FOXK2: variants seen among roughly 807,000 people sequenced by gnomAD.
FOXK2 encodes the protein forkhead box protein K2.
Under a neutral mutation model 53.3 loss-of-function variants are expected in FOXK2, and 24 were observed. The observed-to-expected ratio is 0.45, with a 90% CI of 0.33 to 0.63. The LOEUF (loss-of-function observed/expected upper bound fraction) is 0.63. Among genes scored for constraint, FOXK2 ranks in the 30% least tolerant of loss-of-function variants. FOXK2 has a pLI of 0.03. For synonymous variants in FOXK2, 505 were observed against 407.1 expected (o/e 1.24, Z -2.89); for missense variants, 952 against 910.5 (o/e 1.05, Z -0.59).
Position 82,601,524 on chromosome 17 carries a change from G to A in FOXK2, c.*25G>A, listed in dbSNP as rs369200935. 1,812 of 1,581,586 alleles carry A rather than the reference G, an allele frequency of 1.1e-3. 5 individuals are homozygous for A. Among genetic ancestry groups the A allele is most frequent in the Admixed American group, 1.2e-3 (71 of 58,560 alleles). ...GCGACCGGGAGAGCTTTTCTTTAAC[G>A]ATATCAACTCTGTGGTGCCAAAAGG... On this transcript the variant is annotated 3_prime_UTR_variant, in exon 9 of 9. Transcript: ENST00000335255.
intron 1 of FOXK2, among the ~76,000 whole-genome samples, chr17:82,543,799 C>T (rs1173455906): frequency 3.3e-5 from 4 of 122,910 alleles, no homozygotes; most frequent in South Asian, 2.7e-4. Context: ...TTTTTTGAGA[C>T]GGAGTCTTCT....
At chr17:82,595,743 C>T (rs1389155678) in intron 8 of FOXK2, 27 of 1,285,314 alleles carry the variant, frequency 2.1e-5, no homozygotes, top group Non-Finnish European at 2.7e-5. Context: ...GTGCACCTGG[C>T]TCCTGTGACT....
chr17:82,547,786 C>T (rs569117690), intron 1 of FOXK2, among the ~76,000 whole-genome samples: 2 of 152,350 alleles, frequency 1.3e-5, no homozygotes, highest in African/African-American at 2.4e-5. Context: ...CAGTCAGCCT[C>T]ATCCCCCTGG....
intron 1 of FOXK2, among the ~76,000 whole-genome samples, chr17:82,554,366 T>G (rs1190586422): frequency 6.6e-6 from 1 of 152,190 alleles, no homozygotes; most frequent in Non-Finnish European, 1.5e-5. Flanking sequence ...AGCTTCTTCG[T>G]GAGTCTGTTA....
intron 1 of FOXK2, among the ~76,000 whole-genome samples, chr17:82,544,996 C>A (rs2044610923): frequency 6.6e-6 from 1 of 152,112 alleles, no homozygotes; most frequent in South Asian, 2.1e-4. Context: ...TGTCGATCTG[C>A]CCCGTCTGTC....
rs928964189 is a variant in FOXK2 at position 82,549,270 on chromosome 17, G to C, written c.420-14084G>C. On this transcript the variant is annotated intron_variant, in intron 1 of 8. Transcript: ENST00000335255. ...CACCAAGTTGCCACACCGAACTGCA[G>C]ACCTGGCAGCCCTGTCCAGCAACTT... Among the ~76,000 whole-genome samples the C allele has an allele frequency of 3.9e-5, 6 of 152,208 alleles. No individual in the cohort carries two copies. The South Asian group carries it at 6.2e-4, about 16-fold the overall frequency.
chr17:82,533,922 C>T (rs1007965166), intron 1 of FOXK2, among the ~76,000 whole-genome samples: 5 of 151,644 alleles, frequency 3.3e-5, no homozygotes, highest in Non-Finnish European at 5.9e-5. Context: ...TCACTTGGGC[C>T]CAAGAGGTGG....
At chr17:82,599,470 G>A (rs1430915486) in intron 8 of FOXK2, 1 of 152,334 alleles carries the variant, frequency 6.6e-6, no homozygotes, top group Non-Finnish European at 1.5e-5. Context: ...GTGGAAAGGA[G>A]AAGGGAACAC....
Position 82,586,969 on chromosome 17 carries a change from G to A in FOXK2, c.1577-94G>A, listed in dbSNP as rs991406342. 86 of 1,101,718 alleles carry A rather than the reference G, an allele frequency of 7.8e-5. 1 individual carries two copies. Among genetic ancestry groups the A allele is most frequent in the South Asian group, 4.6e-4 (36 of 78,404 alleles). The allele number at this position is 1,101,718 out of a possible 1,614,324, so 68.2% of individuals were successfully genotyped here. A position where few individuals can be genotyped will look rare whatever the true frequency, so the allele number is the denominator to read the frequency against. ...TTGTTTTAGAGACATTTTCTAGCAG[G>A]TGTGATAGCTATCTGGTTATTATGT... On this transcript the variant is annotated intron_variant, in intron 7 of 8. Coordinates refer to ENST00000335255, the MANE Select transcript of FOXK2 (RefSeq NM_004514.4).
intron 8 of FOXK2, chr17:82,599,700 C>T (rs1306188332): frequency 6.6e-6 from 1 of 152,304 alleles, no homozygotes; most frequent in East Asian, 1.9e-4. Flanking sequence ...GACCACGCAC[C>T]TGGCCGGACT....
chr17:82,573,928 G>C (rs898220675), intron 4 of FOXK2, among the ~76,000 whole-genome samples: 3 of 151,058 alleles, frequency 2.0e-5, no homozygotes, highest in East Asian at 1.9e-4. Context: ...CTCAGTTTTG[G>C]GGGGGCCCAA....
intron 4 of FOXK2, among the ~76,000 whole-genome samples, chr17:82,575,632 C>T (rs1464140449): frequency 6.6e-6 from 1 of 152,172 alleles, no homozygotes; most frequent in East Asian, 1.9e-4. Context: ...ACAAGGACTG[C>T]AAATGTTAAG....
At chr17:82,569,045 C>T (rs1190206146) in intron 3 of FOXK2, among the ~76,000 whole-genome samples, 2 of 152,108 alleles carry the variant, frequency 1.3e-5, no homozygotes, top group Admixed American at 6.5e-5. Context: ...AAGAACGCAA[C>T]CTCAGTGTCC....
intron 1 of FOXK2, among the ~76,000 whole-genome samples, chr17:82,547,207 G>A (rs370500902): frequency 6.6e-6 from 1 of 152,084 alleles, no homozygotes; most frequent in Admixed American, 6.6e-5. Flanking sequence ...AGAATATTCA[G>A]GGTGTAGTAT....
rs1180214440 is a variant in FOXK2 at position 82,584,187 on chromosome 17, A to G, written c.1278A>G (p.Pro426=). The change falls in exon 6 of 9, where the codon CCA becomes CCG. Residue 426 remains proline, a splice_region_variant and synonymous_variant. Transcript: ENST00000335255. The stretch of plus-strand genomic sequence containing the variant: ...AAGCCCGGTTTGCCCAGAGCGCCCC[A>G]GGTGAGACAGCGGGAGAGGAAGCGA... ...IQEARFAQSA[P]GSPLSSQPVL... The G allele has an allele frequency of 6.3e-7, 1 of 1,591,850 alleles. No homozygotes were observed. Among genetic ancestry groups the G allele is most frequent in the Non-Finnish European group, 8.6e-7 (1 of 1,168,350 alleles).
At chr17:82,544,969 TAAAAAAA>T (rs397954125) in intron 1 of FOXK2, among the ~76,000 whole-genome samples, 5 of 145,036 alleles carry the variant, frequency 3.4e-5, no homozygotes, top group Non-Finnish European at 6.1e-5. Flanking sequence ...AAAAAATAAT[TAAAAAAA>T]AAAAAGAATT....
chr17:82,567,908 A>C, intron 2 of FOXK2, 146 bp from the exon 3 acceptor site: 1 of 665,562 alleles, frequency 1.5e-6, no homozygotes, highest in Non-Finnish European at 2.3e-6. Flanking sequence ...TTCCATAGGA[A>C]ATGCTGATAT....
chr17:82,547,461 C>T (rs967098238), intron 1 of FOXK2, among the ~76,000 whole-genome samples: 1 of 152,036 alleles, frequency 6.6e-6, no homozygotes, highest in African/African-American at 2.4e-5. Flanking sequence ...GCCCACGGGC[C>T]GTGGGTTGGA....
intron 8 of FOXK2, among the ~76,000 whole-genome samples, chr17:82,594,669 G>A (rs2045292169): frequency 1.3e-5 from 2 of 152,216 alleles, no homozygotes; most frequent in African/African-American, 4.8e-5. Context: ...ACGTCCCCTT[G>A]TGAGTGTCTG....
Sources: gnomAD v4.1 joint callset for allele counts (sites outside exome capture counted in the v4.1 genomes callset) on GRCh38, gnomAD v4.1.1 for gene constraint, MANE v1.5 for transcripts, NCBI Gene and HGNC (gene_info 2026-07-23, HGNC 2026-07-21) for gene names.